MGAT4A: variants seen among roughly 807,000 people sequenced by gnomAD.
The protein encoded by MGAT4A is alpha-1,3-mannosyl-glycoprotein 4-beta-N-acetylglucosaminyltransferase A.
A neutral mutation model predicts 74.1 loss-of-function variants in MGAT4A; 33 were observed. That is an observed-to-expected ratio of 0.45 (90% CI 0.34 to 0.60). The LOEUF is 0.60. MGAT4A is among the 20% of genes least tolerant of loss of function. MGAT4A has a pLI of 0.02. For missense variants in MGAT4A, 479 were observed against 628.3 expected, an observed-to-expected ratio of 0.76 and a Z score of 2.54; for synonymous variants, 198 against 210.4, an observed-to-expected ratio of 0.94 and a Z score of 0.51.
At chr2:98,665,608 C>G (rs1239899758) in intron 4 of MGAT4A, among the ~76,000 whole-genome samples, 1 of 152,232 alleles carries the variant, frequency 6.6e-6, no homozygotes, top group African/African-American at 2.4e-5. Flanking sequence ...AGGTGTTAAG[C>G]ATACAATGGT....
At chr2:98,633,993 A>C (rs1701281198) in intron 14 of MGAT4A, among the ~76,000 whole-genome samples, 1 of 152,242 alleles carries the variant, frequency 6.6e-6, no homozygotes, top group Admixed American at 6.5e-5. Context: ...CAAAGGTAAA[A>C]CTGTTCTAGA....
At chr2:98,678,258 A>C (rs1260901117) in intron 3 of MGAT4A, 46 bp downstream of exon 3, 4 of 398,166 alleles carry the variant, frequency 1.0e-5, no homozygotes, top group Admixed American at 6.0e-5. Flanking sequence ...AAATATATAT[A>C]TATATATATA....
chr2:98,686,675 G>T (rs1245453091), intron 2 of MGAT4A, among the ~76,000 whole-genome samples: 5 of 151,830 alleles, frequency 3.3e-5, no homozygotes, highest in African/African-American at 1.2e-4. Flanking sequence ...GCCTCCCAAA[G>T]AGCTGGGATT....
At chr2:98,677,730 G>A (rs1575264243) in intron 3 of MGAT4A, among the ~76,000 whole-genome samples, 1 of 151,618 alleles carries the variant, frequency 6.6e-6, no homozygotes, top group East Asian at 1.9e-4. Flanking sequence ...TGGGATTATA[G>A]GTGTGAGCCA....
intron 2 of MGAT4A, among the ~76,000 whole-genome samples, chr2:98,712,610 C>T (rs1054728361): frequency 3.9e-5 from 6 of 152,170 alleles, no homozygotes; most frequent in Non-Finnish European, 8.8e-5. Flanking sequence ...TAAAACATTA[C>T]TTAAGAGAAA....
intron 2 of MGAT4A, among the ~76,000 whole-genome samples, chr2:98,722,942 A>C (rs1247975614): frequency 2.6e-5 from 4 of 152,122 alleles, no homozygotes; most frequent in Non-Finnish European, 5.9e-5. Context: ...CTGGCAAGAC[A>C]GACACGTAAC....
intron 2 of MGAT4A, among the ~76,000 whole-genome samples, chr2:98,714,136 G>A (rs560947031): frequency 2.1e-4 from 32 of 152,304 alleles, no homozygotes; most frequent in African/African-American, 7.5e-4. Context: ...CACCCAGGCT[G>A]GAGTGCAGTG....
Position 98,631,405 on chromosome 2 carries a change from T to G in MGAT4A, c.1468+3817A>C, listed in dbSNP as rs376530026. 2.6e-5 allele frequency among the ~76,000 whole-genome samples: 4 copies of G among 152,348 alleles called. No homozygotes were observed. In the East Asian group the frequency reaches 7.7e-4, roughly 29 times the overall value. On this transcript the variant is annotated intron_variant, in intron 14 of 15. Coordinates refer to ENST00000393487, the MANE Select transcript of MGAT4A (RefSeq NM_012214.3). ...AACCTCGGGCCTGTGCCCACCGACC[T>G]AGGTGAGGACAGGCATTTCCGTCTT... is the stretch of plus-strand genomic sequence containing the variant.
intron 10 of MGAT4A, among the ~76,000 whole-genome samples, chr2:98,640,927 G>A (rs1701398273): frequency 1.3e-5 from 2 of 152,010 alleles, no homozygotes; most frequent in Non-Finnish European, 2.9e-5. Context: ...TATAAATGGC[G>A]CATTTTGTTG....
At chr2:98,706,027 C>T (rs1702426510) in intron 2 of MGAT4A, among the ~76,000 whole-genome samples, 1 of 148,716 alleles carries the variant, frequency 6.7e-6, no homozygotes, top group African/African-American at 2.5e-5. Flanking sequence ...TGTGCCCAAA[C>T]ACTGAAAATG....
At chr2:98,698,188 C>A (rs1042248278) in intron 2 of MGAT4A, among the ~76,000 whole-genome samples, 3 of 152,098 alleles carry the variant, frequency 2.0e-5, no homozygotes, top group Admixed American at 1.3e-4. Flanking sequence ...CTAAGAGAGG[C>A]AGATCATTTG....
chr2:98,716,678 T>C (rs902491341), intron 2 of MGAT4A, among the ~76,000 whole-genome samples: 2 of 152,154 alleles, frequency 1.3e-5, no homozygotes, highest in Non-Finnish European at 2.9e-5. Context: ...TTGCCAAAAA[T>C]GCATTAGAGT....
chr2:98,716,912 A>T (rs928225230), intron 2 of MGAT4A, among the ~76,000 whole-genome samples: 1 of 152,210 alleles, frequency 6.6e-6, no homozygotes, highest in Non-Finnish European at 1.5e-5. Context: ...ACCAAAAAAA[A>T]CCAGTTTGTA....
At chr2:98,645,086 T>C (rs544563176) in intron 9 of MGAT4A, among the ~76,000 whole-genome samples, 1 of 152,360 alleles carries the variant, frequency 6.6e-6, no homozygotes, top group East Asian at 1.9e-4. Flanking sequence ...GGAATTTATA[T>C]GAGAAAACTC....
At chr2:98,683,402 G>A (rs1702089162) in intron 2 of MGAT4A, among the ~76,000 whole-genome samples, 1 of 152,158 alleles carries the variant, frequency 6.6e-6, no homozygotes, top group Non-Finnish European at 1.5e-5. Context: ...GGGGTAAAGA[G>A]GCACGATTTC....
chr2:98,689,954 T>C (rs1448813273), intron 2 of MGAT4A, among the ~76,000 whole-genome samples: 4 of 151,916 alleles, frequency 2.6e-5, no homozygotes, highest in Non-Finnish European at 5.9e-5. Context: ...CTGCCTCATA[T>C]ATCCTAGAAT....
At chr2:98,693,146 C>G (rs191140939) in intron 2 of MGAT4A, among the ~76,000 whole-genome samples, 1 of 152,172 alleles carries the variant, frequency 6.6e-6, no homozygotes, top group African/African-American at 2.4e-5. Flanking sequence ...AAGGAAATGG[C>G]ACATTTTTTA....
intron 4 of MGAT4A, among the ~76,000 whole-genome samples, chr2:98,672,539 T>C (rs1479302328): frequency 6.6e-6 from 1 of 152,230 alleles, no homozygotes; most frequent in East Asian, 1.9e-4. Flanking sequence ...ATGGGCCCTT[T>C]AACCTGAAAA....
chr2:98,726,176 G>T, intron 2 of MGAT4A, 63 bp downstream of exon 2: 1 of 1,268,734 alleles, frequency 7.9e-7, no homozygotes, highest in Non-Finnish European at 1.1e-6. Flanking sequence ...AAGCATTTAG[G>T]CACCTTAACC....
Sources: gnomAD v4.1 joint callset for allele counts (sites outside exome capture counted in the v4.1 genomes callset) on GRCh38, gnomAD v4.1.1 for gene constraint, MANE v1.5 for transcripts, NCBI Gene and HGNC (gene_info 2026-07-23, HGNC 2026-07-21) for gene names.